MRPS27: variants seen among roughly 807,000 people sequenced by gnomAD.
The protein encoded by MRPS27 is small ribosomal subunit protein mS27.
Under a neutral mutation model 48.9 loss-of-function variants are expected in MRPS27, and 43 were observed. That is an observed-to-expected ratio of 0.88 (90% confidence interval 0.69 to 1.13). The LOEUF (loss-of-function observed/expected upper bound fraction) is 1.13, where lower values mean the gene tolerates loss of function less well. Ranked by LOEUF, MRPS27 falls within the 50% of genes most tolerant of loss-of-function variation. The pLI is 0.00. For missense variants in MRPS27, 467 were observed against 476.3 expected (o/e 0.98, Z 0.18); for synonymous variants, 188 against 171.9 (o/e 1.09, Z -0.73).
intron 2 of MRPS27, among the ~76,000 whole-genome samples, chr5:72,302,167 A>T (rs1561361631): frequency 6.6e-6 from 1 of 152,206 alleles, no homozygotes; most frequent in Non-Finnish European, 1.5e-5. Context: ...TATACTAAAA[A>T]TGCCCTTCCC....
intron 8 of MRPS27, chr5:72,227,119 T>G (rs1747921374): frequency 6.6e-6 from 1 of 152,294 alleles, no homozygotes; most frequent in Non-Finnish European, 1.5e-5. Context: ...TGAGTGAGGC[T>G]GCACGGCAAA....
chr5:72,248,828 T>G (rs1020569377), intron 4 of MRPS27, among the ~76,000 whole-genome samples: 6 of 152,248 alleles, frequency 3.9e-5, no homozygotes, highest in Non-Finnish European at 8.8e-5. Flanking sequence ...GAGCATCTTC[T>G]GCATCCTAAA....
chr5:72,241,292 C>T (rs1463763631), intron 4 of MRPS27, among the ~76,000 whole-genome samples: 1 of 152,160 alleles, frequency 6.6e-6, no homozygotes, highest in Non-Finnish European at 1.5e-5. Context: ...TGTGCCCAGC[C>T]TTGGACATTT....
chr5:72,252,099 G>A (rs985488933), intron 4 of MRPS27, among the ~76,000 whole-genome samples: 1 of 152,168 alleles, frequency 6.6e-6, no homozygotes, highest in Non-Finnish European at 1.5e-5. Flanking sequence ...AAAATTATGG[G>A]TACAAATAAC....
At chr5:72,310,947 G>A (rs892042160) in intron 2 of MRPS27, among the ~76,000 whole-genome samples, 1 of 152,140 alleles carries the variant, frequency 6.6e-6, no homozygotes, top group African/African-American at 2.4e-5. Flanking sequence ...TCTGGCTGGG[G>A]AAGCATAACA....
At chr5:72,231,126 C>A (rs560276774) in intron 7 of MRPS27, among the ~76,000 whole-genome samples, 1 of 152,086 alleles carries the variant, frequency 6.6e-6, no homozygotes, top group African/African-American at 2.4e-5. Context: ...GTTTTTAGAA[C>A]GAACACAAAA....
At chr5:72,283,535 C>T (rs1317190479) in intron 4 of MRPS27, among the ~76,000 whole-genome samples, 4 of 152,096 alleles carry the variant, frequency 2.6e-5, no homozygotes, top group Non-Finnish European at 5.9e-5. Context: ...TTTCAGATTC[C>T]GGAAGTTGGC....
rs1485481186 is a variant in MRPS27, at chr5:72,234,126, A to G, written c.468T>C (p.Asn156=). Residue 156 remains asparagine (N), a synonymous_variant, in exon 6 of 11, where the codon AAT becomes AAC. Transcript: ENST00000261413. ...CTGGGGTTAGTTTCTTACCTTTGTA[A>G]TTTTCTTTCTTTATGAAAGAATCCA... ...LLMDSFIKKE[N]YKDALSVVFE... is the part of the protein sequence containing the mutation. 2 of 1,520,570 alleles carry G rather than the reference A, an allele frequency of 1.3e-6. No individual in the cohort carries two copies. The highest frequency in any genetic ancestry group is 2.5e-5 in the East Asian group (1 of 39,452). The allele number at this position is 1,520,570 out of a possible 1,614,324, so 94.2% of individuals were successfully genotyped here. A position where few individuals can be genotyped will look rare whatever the true frequency, so the allele number is the denominator to read the frequency against.
Position 72,311,859 on chromosome 5 carries a change from G to A in MRPS27, c.151+2222C>T, listed in dbSNP as rs1216845121. Among the ~76,000 whole-genome samples, 3 of 152,342 alleles carry A rather than the reference G, an allele frequency of 2.0e-5. No individual in the cohort carries two copies. In the South Asian group the frequency reaches 6.2e-4, roughly 32 times the overall value. On this transcript the variant is annotated intron_variant, in intron 2 of 10. Transcript: ENST00000261413. Reference sequence around the variant, plus strand: ...AGTTTAAAATTATTTCCCGCTGGGCGCGGTGGCTCAAGCCTGTAATCCCAG... The same window carrying A: ...AGTTTAAAATTATTTCCCGCTGGGCACGGTGGCTCAAGCCTGTAATCCCAG...
At chr5:72,233,323 G>C (rs1007715358) in intron 6 of MRPS27, among the ~76,000 whole-genome samples, 7 of 151,992 alleles carry the variant, frequency 4.6e-5, no homozygotes, top group Non-Finnish European at 1.0e-4. Flanking sequence ...ATTTTCCCTT[G>C]ATATTCTACA....
At chr5:72,309,777 A>G (rs1176990391) in intron 2 of MRPS27, among the ~76,000 whole-genome samples, 1 of 152,210 alleles carries the variant, frequency 6.6e-6, no homozygotes, top group African/African-American at 2.4e-5. Flanking sequence ...CACTTTGCTT[A>G]TAATTCACAT....
chr5:72,223,093 T>G (rs777525317), intron 10 of MRPS27, among the ~76,000 whole-genome samples: 4 of 152,210 alleles, frequency 2.6e-5, no homozygotes, highest in Admixed American at 6.5e-5. Flanking sequence ...TTCCTGACAC[T>G]GATCACAGAG....
At chr5:72,260,501 G>A (rs951537989) in intron 4 of MRPS27, among the ~76,000 whole-genome samples, 9 of 152,018 alleles carry the variant, frequency 5.9e-5, no homozygotes, top group African/African-American at 1.7e-4. Context: ...CAGCTGCTAC[G>A]GTCTAAGTCA....
At chr5:72,235,616 G>GA (rs1441526821) in intron 5 of MRPS27, among the ~76,000 whole-genome samples, 1 of 152,128 alleles carries the variant, frequency 6.6e-6, no homozygotes, top group Non-Finnish European at 1.5e-5. Context: ...GGAGTACATA[G>GA]AAAATCTATG....
intron 1 of MRPS27, chr5:72,314,789 C>T (rs1750525165): frequency 6.6e-6 from 1 of 152,230 alleles, no homozygotes; most frequent in African/African-American, 2.4e-5. Context: ...CCCTAGAACA[C>T]CTTCTTAGAA....
At chr5:72,308,102 C>A (rs1750327203) in intron 2 of MRPS27, 1 of 152,204 alleles carries the variant, frequency 6.6e-6, no homozygotes, top group Non-Finnish European at 1.5e-5. Flanking sequence ...GGACGCACCG[C>A]GGGCGCAGGT....
rs1457713844 is a variant in MRPS27, at chr5:72,223,831, A to G, written c.857T>C (p.Val286Ala). Residue 286 changes from valine (V) to alanine (A), a missense_variant, in exon 10 of 11, where the codon GTG (valine) becomes GCG (alanine). Val to Ala is a moderately conservative substitution (Grantham distance 64). Coordinates refer to ENST00000261413, the MANE Select transcript of MRPS27 (RefSeq NM_015084.3). ...CREALDVLGAVLKALTSADGA... is the reference protein window; with the variant it reads ...CREALDVLGAALKALTSADGA... ...ATCAGCTGAAGTCAGAGCCTTCAGC[A>G]CTGCACCCAGCACATCGAGCTGTGG... The G allele has an allele frequency of 6.2e-7, 1 of 1,613,824 alleles. No individual in the cohort carries two copies. Among genetic ancestry groups the G allele is most frequent in the Non-Finnish European group, 8.5e-7 (1 of 1,179,902 alleles).
chr5:72,240,779 A>G (rs969655514), intron 4 of MRPS27, among the ~76,000 whole-genome samples: 12 of 152,256 alleles, frequency 7.9e-5, no homozygotes, highest in Admixed American at 5.9e-4. Flanking sequence ...GAAGAGCAAG[A>G]AAGTCTTTTC....
chr5:72,259,022 C>T (rs1203392785), intron 4 of MRPS27, among the ~76,000 whole-genome samples: 1 of 152,086 alleles, frequency 6.6e-6, no homozygotes, highest in African/African-American at 2.4e-5. Context: ...CTTTCTCTCT[C>T]CCCCTCCCCC....
Sources: gnomAD v4.1 joint callset for allele counts (sites outside exome capture counted in the v4.1 genomes callset) on GRCh38, gnomAD v4.1.1 for gene constraint, MANE v1.5 for transcripts, NCBI Gene and HGNC (gene_info 2026-07-23, HGNC 2026-07-21) for gene names.